Variants in SSUH2 observed in about 807,000 individuals in gnomAD.
The protein encoded by SSUH2 is ssu-2 homolog.
Under a neutral mutation model 55.3 loss-of-function variants are expected in SSUH2, and 47 were observed. The ratio of observed to expected loss-of-function variants is 0.85; its 90% CI spans 0.67 to 1.08. SSUH2 has a LOEUF of 1.08. Among genes scored for constraint, SSUH2 ranks in the 50% least tolerant of loss-of-function variants. The pLI is 0.00. For synonymous variants in SSUH2, 212 were observed against 191.5 expected, an observed-to-expected ratio of 1.11 and a Z score of -0.89; for missense variants, 535 against 490.7, an observed-to-expected ratio of 1.09 and a Z score of -0.85.
At chr3:8,635,645 G>C (rs1211678881) in intron 2 of SSUH2, 114 bp downstream of exon 2, 6 of 1,049,066 alleles carry the variant, frequency 5.7e-6, no homozygotes, top group Non-Finnish European at 8.0e-6. Flanking sequence ...GGCTTCCCAG[G>C]GCCCCCCCAG....
At chr3:8,630,383 T>C (rs1698521737) in intron 6 of SSUH2, among the ~76,000 whole-genome samples, 1 of 152,250 alleles carries the variant, frequency 6.6e-6, no homozygotes, top group African/African-American at 2.4e-5. Context: ...TAAAGCAGGA[T>C]GGAAGTCAGA....
chr3:8,623,127 C>A (rs1265007795), intron 11 of SSUH2, among the ~76,000 whole-genome samples: 1 of 152,202 alleles, frequency 6.6e-6, no homozygotes, highest in Non-Finnish European at 1.5e-5. Flanking sequence ...GCCAAAACCA[C>A]AGAGGCCAGG....
chr3:8,664,815 A>G (rs1703838493), intron 5 of SSUH2, among the ~76,000 whole-genome samples: 1 of 152,252 alleles, frequency 6.6e-6, no homozygotes, highest in South Asian at 2.1e-4. Context: ...AAATTAAGGC[A>G]TACAGAAGAC....
At chr3:8,656,129 G>C (rs1039231698) in intron 7 of SSUH2, among the ~76,000 whole-genome samples, 7 of 152,214 alleles carry the variant, frequency 4.6e-5, no homozygotes, top group Non-Finnish European at 8.8e-5. Flanking sequence ...AAGAGAAAGA[G>C]AGAGACCAGG....
rs765605370 is a variant in SSUH2 at position 8,625,649 on chromosome 3, T to C, written c.768-2A>G. 3.7e-6 allele frequency: 6 copies of C among 1,602,618 alleles called. No individual in the cohort carries two copies. The highest frequency in any genetic ancestry group is 5.1e-6 in the Non-Finnish European group (6 of 1,169,714). On this transcript the variant is annotated splice_acceptor_variant, in intron 9 of 11. Transcript: ENST00000544814. LOFTEE classifies it high-confidence loss of function. ...ACAAACTCAAACAAGCTGTTCTTCC[T>C]GGAGGGAAGGAGGATGAGGGATGAA...
chr3:8,672,214 TGG>T (rs1704660784), intron 3 of SSUH2, among the ~76,000 whole-genome samples: 1 of 151,862 alleles, frequency 6.6e-6, no homozygotes, highest in Non-Finnish European at 1.5e-5. Context: ...ATCCCTGGGG[TGG>T]TGTACACTTT....
At chr3:8,675,971 G>C (rs1705209466) in intron 3 of SSUH2, among the ~76,000 whole-genome samples, 1 of 152,100 alleles carries the variant, frequency 6.6e-6, no homozygotes. Flanking sequence ...GGTTTCTAAA[G>C]GATGGCCCCC....
Position 8,633,772 on chromosome 3 carries a change from A to G in SSUH2, c.233T>C (p.Val78Ala), listed in dbSNP as rs758248644. 1 of 1,611,594 alleles carries G rather than the reference A, an allele frequency of 6.2e-7. No individual in the cohort carries two copies. The highest frequency in any genetic ancestry group is 8.5e-7 in the Non-Finnish European group (1 of 1,178,576). The change falls in exon 4 of 12, where the codon GTG (valine) becomes GCG (alanine). Residue 78 changes from valine to alanine, a missense_variant. Coordinates refer to ENST00000544814, the MANE Select transcript of SSUH2 (RefSeq NM_001256748.3). ...EHRVPAMTEE[V>A]AREALLSFVD... is the part of the protein sequence containing the mutation. ...AAAGCTGAGGAGGGCTTCCCGGGCC[A>G]CCTCCTCCGTCATCGCAGGGACTCT...
upstream of SSUH2, among the ~76,000 whole-genome samples, chr3:8,649,204 C>T (rs1034381376): frequency 2.0e-5 from 3 of 152,200 alleles, no homozygotes; most frequent in African/African-American, 7.2e-5. Flanking sequence ...TCCTCCTCCT[C>T]AAAGTCTTCT....
At position 8,623,669 on chromosome 3, in the gene SSUH2, G is replaced by A. The variant is rs572867469; in HGVS notation, c.874-13C>T. On this transcript the variant is annotated splice_polypyrimidine_tract_variant and intron_variant, in intron 10 of 11. Coordinates refer to ENST00000544814, the MANE Select transcript of SSUH2 (RefSeq NM_001256748.3). ...CGATGGGGTACACCTGGGGGAAAGA[G>A]AGAGAGACACAGACCACCTGGCTGC... 39 of 1,428,776 alleles carry A rather than the reference G, an allele frequency of 2.7e-5. No homozygotes were observed. Among genetic ancestry groups the A allele is most frequent in the Non-Finnish European group, 3.7e-5 (39 of 1,046,538 alleles). 88.5% of individuals were successfully genotyped at this position (1,428,776 alleles called of 1,614,324 possible).
At chr3:8,667,015 C>T (rs971793824) in intron 5 of SSUH2, among the ~76,000 whole-genome samples, 1 of 152,190 alleles carries the variant, frequency 6.6e-6, no homozygotes, top group African/African-American at 2.4e-5. Flanking sequence ...GGAGTTCAGG[C>T]TGGGAGTCCA....
chr3:8,640,766 C>G (rs1367166040), intron 1 of SSUH2, among the ~76,000 whole-genome samples: 1 of 152,122 alleles, frequency 6.6e-6, no homozygotes, highest in Admixed American at 6.5e-5. Flanking sequence ...TGCCGTGAGA[C>G]CAACATCAAG....
At chr3:8,629,385 T>A (rs141686475) in intron 7 of SSUH2, 5 of 463,192 alleles carry the variant, frequency 1.1e-5, no homozygotes, top group African/African-American at 9.8e-5. Context: ...GACCTAGAGG[T>A]CAGAGCCAAG....
At chr3:8,647,734 C>A (rs1184161769), upstream of SSUH2, among the ~76,000 whole-genome samples, 1 of 152,224 alleles carries the variant, frequency 6.6e-6, no homozygotes, top group Non-Finnish European at 1.5e-5. Context: ...CTGCCTCGGG[C>A]CCTCACAACC....
At chr3:8,662,595 A>G (rs1378862423) in intron 6 of SSUH2, among the ~76,000 whole-genome samples, 1 of 152,234 alleles carries the variant, frequency 6.6e-6, no homozygotes, top group Admixed American at 6.5e-5. Flanking sequence ...AAGGAGAAGG[A>G]ACAAGGACAG....
chr3:8,624,442 G>A (rs987090082), intron 10 of SSUH2, among the ~76,000 whole-genome samples: 1 of 152,170 alleles, frequency 6.6e-6, no homozygotes, highest in Non-Finnish European at 1.5e-5. Flanking sequence ...ATGGAAGAGT[G>A]GGGTGCAGGG....
chr3:8,671,650 C>T (rs1053556831), intron 4 of SSUH2, among the ~76,000 whole-genome samples: 1 of 152,054 alleles, frequency 6.6e-6, no homozygotes, highest in Non-Finnish European at 1.5e-5. Context: ...AATAACATTC[C>T]CCTACAATAT....
intron 4 of SSUH2, 115 bp downstream of exon 4, chr3:8,633,551 C>T (rs1699295277): frequency 1.3e-6 from 1 of 789,858 alleles, no homozygotes; most frequent in Non-Finnish European, 1.9e-6. Context: ...CTCAAACACA[C>T]TGCCCCCAGG....
Position 8,619,734 on chromosome 3 carries a change from C to G in SSUH2, c.*134G>C. 9.7e-7 allele frequency: 1 copy of G among 1,028,238 alleles called. No individual in the cohort carries two copies. The highest frequency in any genetic ancestry group is 2.6e-5 in the Admixed American group (1 of 38,138). The allele number at this position is 1,028,238 out of a possible 1,614,324, so 63.7% of individuals were successfully genotyped here. ...GGGTTGGAGCTTGATAGATGATAAG[C>G]TGGTTTTTCTGGAAGGACATGCCAG... On this transcript the variant is annotated 3_prime_UTR_variant, in exon 12 of 12. Transcript: ENST00000544814.
Sources: gnomAD v4.1 joint callset for allele counts (sites outside exome capture counted in the v4.1 genomes callset) on GRCh38, gnomAD v4.1.1 for gene constraint, MANE v1.5 for transcripts, NCBI Gene and HGNC (gene_info 2026-07-23, HGNC 2026-07-21) for gene names.